CAMK1D: variants seen among roughly 807,000 people sequenced by gnomAD.
CAMK1D encodes calcium/calmodulin dependent protein kinase ID.
A neutral mutation model predicts 47.7 loss-of-function variants in CAMK1D; 9 were observed. The ratio of observed to expected loss-of-function variants is 0.19; its 90% CI spans 0.11 to 0.33. CAMK1D has a LOEUF of 0.33. CAMK1D is among the 10% of genes least tolerant of loss of function. The pLI, the probability that CAMK1D is intolerant of heterozygous loss-of-function variation, is 1.00. For synonymous variants in CAMK1D, 184 were observed against 184.9 expected, an observed-to-expected ratio of 0.99 and a Z score of 0.04; for missense variants, 291 against 488.7, an observed-to-expected ratio of 0.60 and a Z score of 3.81.
intron 2 of CAMK1D, among the ~76,000 whole-genome samples, chr10:12,560,642 A>G (rs1406672102): frequency 6.6e-6 from 1 of 152,100 alleles, no homozygotes; most frequent in African/African-American, 2.4e-5. Context: ...AATGACTGAA[A>G]ATGGCTAAGC....
In CAMK1D at chr10:12,714,761, TACACACACACACACACACAC is replaced by T. The variant is rs55827922; in HGVS notation, c.300-46161_300-46142del. 6.1e-5 allele frequency among the ~76,000 whole-genome samples: 8 copies of T among 130,580 alleles called. No individual in the cohort carries two copies. The South Asian group carries it at 1.7e-3, about 28-fold the overall frequency. The allele number at this position is 130,580 out of a possible 152,430, so 85.7% of individuals were successfully genotyped here. ...ATAAATAAAAATAGGTACATTAAAT[TACACACACACACACACACAC>T]ACACACACACACACACACACACACA... On this transcript the variant is annotated intron_variant, in intron 3 of 10. Coordinates refer to ENST00000619168, the MANE Select transcript of CAMK1D (RefSeq NM_153498.4).
At chr10:12,487,578 T>G (rs1211677537) in intron 1 of CAMK1D, among the ~76,000 whole-genome samples, 1 of 152,260 alleles carries the variant, frequency 6.6e-6, no homozygotes, top group Non-Finnish European at 1.5e-5. Flanking sequence ...AAGTCATCCT[T>G]GAATCCTTTT....
chr10:12,618,757 G>A (rs1320954501), intron 2 of CAMK1D, among the ~76,000 whole-genome samples: 3 of 152,176 alleles, frequency 2.0e-5, no homozygotes, highest in African/African-American at 4.8e-5. Context: ...TAAACTTTGC[G>A]TAGGAAGAAG....
chr10:12,574,094 CTG>C (rs1837415601), intron 2 of CAMK1D, among the ~76,000 whole-genome samples: 1 of 152,160 alleles, frequency 6.6e-6, no homozygotes, highest in Admixed American at 6.5e-5. Context: ...TGTACTGAAA[CTG>C]TTTCTTTAAA....
At position 12,828,809 on chromosome 10, in the gene CAMK1D, G is replaced by T; in HGVS notation, c.1080G>T (p.Ser360=). ...CGCTCTGTAGTTTCATTTCTTCTTC[G>T]TCGGGGGTCTCAGGAGTTGGAGCCG... is the stretch of plus-strand genomic sequence containing the variant. ...PSTLCSFISS[S]SGVSGVGAER... The change falls in exon 11 of 11, where the codon TCG becomes TCT. Residue 360 remains serine (S), a synonymous_variant. Coordinates refer to ENST00000619168, the MANE Select transcript of CAMK1D (RefSeq NM_153498.4). 6.2e-7 allele frequency: 1 copy of T among 1,613,796 alleles called. No individual in the cohort carries two copies.
chr10:12,664,758 A>C (rs1156861131), intron 2 of CAMK1D, among the ~76,000 whole-genome samples: 1 of 152,226 alleles, frequency 6.6e-6, no homozygotes, highest in Non-Finnish European at 1.5e-5. Context: ...CTACAAAAGT[A>C]TTCACCGTTT....
intron 1 of CAMK1D, among the ~76,000 whole-genome samples, chr10:12,528,105 G>A (rs1186901063): frequency 6.6e-6 from 1 of 152,232 alleles, no homozygotes; most frequent in African/African-American, 2.4e-5. Context: ...TAGGTGGGTA[G>A]TGTTAGTCCC....
rs1246383874 is a variant in CAMK1D, at chr10:12,551,337, C to G, written c.93-1888C>G. Reference sequence around the variant, plus strand: ...GAATCTAATGCCTGATGATCTGTCACTGTGTCCCATCACCCCCAGATGGGA... The same window carrying G: ...GAATCTAATGCCTGATGATCTGTCAGTGTGTCCCATCACCCCCAGATGGGA... On this transcript the variant is annotated intron_variant, in intron 1 of 10. Transcript: ENST00000619168. Among the ~76,000 whole-genome samples, 6 of 152,230 alleles carry G rather than the reference C, an allele frequency of 3.9e-5. No individual in the cohort carries two copies. The South Asian group carries it at 1.2e-3, about 32-fold the overall frequency.
At chr10:12,694,447 G>GTTATATATCATATATA (rs1833156034) in intron 3 of CAMK1D, among the ~76,000 whole-genome samples, 3 of 57,502 alleles carry the variant, frequency 5.2e-5, no homozygotes, top group East Asian at 5.9e-4. Context: ...TATAAAATAT[G>GTTATATATCATATATA]AAATATATAT....
intron 1 of CAMK1D, among the ~76,000 whole-genome samples, chr10:12,428,650 T>C (rs1344502254): frequency 1.3e-5 from 2 of 152,228 alleles, no homozygotes; most frequent in Non-Finnish European, 2.9e-5. Flanking sequence ...CATGTCAGGC[T>C]TCTGCTGGCT....
intron 6 of CAMK1D, among the ~76,000 whole-genome samples, chr10:12,793,835 A>G (rs1218784500): frequency 6.6e-6 from 1 of 152,242 alleles, no homozygotes; most frequent in Admixed American, 6.5e-5. Context: ...TAGGCAACTA[A>G]CCACGTTTAC....
intron 2 of CAMK1D, among the ~76,000 whole-genome samples, chr10:12,573,276 G>T (rs769657648): frequency 5.9e-5 from 9 of 152,252 alleles, no homozygotes; most frequent in Non-Finnish European, 1.2e-4. Flanking sequence ...GCTTCTGTTA[G>T]TGATGCCTGT....
intron 1 of CAMK1D, among the ~76,000 whole-genome samples, chr10:12,362,327 A>G (rs1837689960): frequency 6.6e-6 from 1 of 152,160 alleles, no homozygotes; most frequent in Non-Finnish European, 1.5e-5. Context: ...GGTACCACAT[A>G]GAAGTAGAAT....
chr10:12,496,238 T>G (rs1407103406), intron 1 of CAMK1D, among the ~76,000 whole-genome samples: 1 of 152,234 alleles, frequency 6.6e-6, no homozygotes, highest in Non-Finnish European at 1.5e-5. Context: ...TTTTTAAACC[T>G]GAGACACTTA....
At chr10:12,812,662 T>C (rs1832653255) in intron 6 of CAMK1D, among the ~76,000 whole-genome samples, 1 of 152,060 alleles carries the variant, frequency 6.6e-6, no homozygotes, top group South Asian at 2.1e-4. Flanking sequence ...TGCCACCCTC[T>C]GGGTTGTCGC....
At chr10:12,820,584 G>A (rs1832979680) in intron 8 of CAMK1D, among the ~76,000 whole-genome samples, 1 of 152,166 alleles carries the variant, frequency 6.6e-6, no homozygotes, top group Admixed American at 6.5e-5. Flanking sequence ...CACCCCGAGA[G>A]CATCATCTCT....
chr10:12,558,399 C>T (rs1022049959), intron 2 of CAMK1D, among the ~76,000 whole-genome samples: 1 of 152,056 alleles, frequency 6.6e-6, no homozygotes, highest in Non-Finnish European at 1.5e-5. Flanking sequence ...ATTCAAACTA[C>T]AAAAATTAGC....
At chr10:12,722,711 T>A (rs1396631914) in intron 3 of CAMK1D, among the ~76,000 whole-genome samples, 1 of 152,140 alleles carries the variant, frequency 6.6e-6, no homozygotes, top group East Asian at 1.9e-4. Flanking sequence ...GTCCTTACCA[T>A]TTAAACTTGA....
intron 2 of CAMK1D, among the ~76,000 whole-genome samples, chr10:12,652,851 A>G (rs1457363087): frequency 6.6e-6 from 1 of 152,254 alleles, no homozygotes; most frequent in Non-Finnish European, 1.5e-5. Context: ...CTCGTTTAAA[A>G]AACATCAACA....
Sources: gnomAD v4.1 joint callset for allele counts (sites outside exome capture counted in the v4.1 genomes callset) on GRCh38, gnomAD v4.1.1 for gene constraint, MANE v1.5 for transcripts, NCBI Gene and HGNC (gene_info 2026-07-23, HGNC 2026-07-21) for gene names.